HSPG2: variants seen among roughly 807,000 people sequenced by gnomAD.
The protein encoded by HSPG2 is basement membrane-specific heparan sulfate proteoglycan core protein.
Under a neutral mutation model 526.6 loss-of-function variants are expected in HSPG2, and 278 were observed. The observed-to-expected ratio is 0.53, with a 90% CI of 0.48 to 0.58. The LOEUF (loss-of-function observed/expected upper bound fraction) is 0.58, where lower values mean the gene tolerates loss of function less well. HSPG2 is among the 20% of genes least tolerant of loss of function. The probability of loss-of-function intolerance (pLI) is 0.00; values close to 1 mark genes in which losing one functional copy is unlikely to be tolerated. For synonymous variants in HSPG2, 2,465 were observed against 2,555.4 expected (o/e 0.96, Z 1.07); for missense variants, 5,354 against 6,099.5 (o/e 0.88, Z 4.07).
intron 1 of HSPG2, among the ~76,000 whole-genome samples, chr1:21,915,167 G>A (rs114568494): frequency 0.022 from 3,349 of 151,304 alleles, 51 homozygotes; most frequent in South Asian, 0.041. Flanking sequence ...CACACTTGGC[G>A]CCCTGATACG....
chr1:21,861,350 G>T (rs2152731364), intron 39 of HSPG2, among the ~76,000 whole-genome samples: 1 of 152,216 alleles, frequency 6.6e-6, no homozygotes, highest in Middle Eastern at 3.4e-3. Flanking sequence ...CATAAGCAAG[G>T]CCTGAACATC....
rs1641234799 is a variant in HSPG2 at position 21,878,236 on chromosome 1, A to G, written c.2635T>C (p.Cys879Arg). 6.2e-7 allele frequency: 1 copy of G among 1,614,018 alleles called. No individual in the cohort carries two copies. Among genetic ancestry groups the G allele is most frequent in the East Asian group, 2.2e-5 (1 of 44,886 alleles). ...CRPVNQEIVR[C>R]DERGSMGTSG... ...GTCCCCATGCTGCCACGCTCGTCAC[A>G]GCGCACAATCTCCTGGTCTGGGACA... Residue 879 changes from cysteine (C) to arginine (R), a missense_variant, in exon 21 of 97, where the codon TGT (cysteine) becomes CGT (arginine). Physicochemically the swap from Cys to Arg is radical, Grantham distance 180. Transcript: ENST00000374695.
chr1:21,929,437 G>A (rs1283602265), intron 1 of HSPG2, among the ~76,000 whole-genome samples: 2 of 150,904 alleles, frequency 1.3e-5, no homozygotes, highest in Non-Finnish European at 3.0e-5. Context: ...AGACAGGATC[G>A]CGTTCTATCA....
chr1:21,881,209 C>T, intron 14 of HSPG2, 130 bp downstream of exon 14: 3 of 1,131,950 alleles, frequency 2.7e-6, no homozygotes, highest in Non-Finnish European at 1.3e-6. Flanking sequence ...TGAGCCGCTG[C>T]CACAGGGGGC....
chr1:21,854,658 G>C lies in HSPG2; in HGVS notation c.6241C>G (p.Gln2081Glu). 6.3e-7 allele frequency: 1 copy of C among 1,599,930 alleles called. No homozygotes were observed. The highest frequency in any genetic ancestry group is 1.1e-5 in the South Asian group (1 of 88,568). ...CCCCCTCGCCTGTACCAGGTGACCTGGGCATGGGCTGACCCTGCCACCACA... is the reference window on the plus strand; with the variant it reads ...CCCCCTCGCCTGTACCAGGTGACCTCGGCATGGGCTGACCCTGCCACCACA... Reference protein sequence around the residue: ...NCVVAGSAHAQVTWYRRGGSL... With the variant: ...NCVVAGSAHAEVTWYRRGGSL... The change falls in exon 49 of 97, where the codon CAG (glutamine) becomes GAG (glutamate). Residue 2081 changes from glutamine to glutamate, a missense_variant. Physicochemically the swap from Gln to Glu is conservative, Grantham distance 29. Coordinates refer to ENST00000374695, the MANE Select transcript of HSPG2 (RefSeq NM_005529.7).
chr1:21,857,262 TC>T (rs761131565), intron 43 of HSPG2, 22 bp downstream of exon 43: 7 of 1,613,860 alleles, frequency 4.3e-6, no homozygotes, highest in East Asian at 4.5e-5. Flanking sequence ...ACTTCCTCCA[TC>T]CCCACTCCCT....
intron 39 of HSPG2, 56 bp from the exon 40 acceptor site, chr1:21,860,291 T>C: frequency 6.6e-7 from 1 of 1,522,530 alleles, no homozygotes; most frequent in Admixed American, 1.8e-5. Flanking sequence ...CAGTGCCTCA[T>C]GGTGGACTTG....
Position 21,859,937 on chromosome 1 carries a change from G to A in HSPG2, c.5080C>T (p.His1694Tyr), listed in dbSNP as rs865966483. Residue 1694 changes from histidine (H) to tyrosine (Y), a missense_variant, in exon 41 of 97, where the codon CAC (histidine) becomes TAC (tyrosine). Transcript: ENST00000374695. This position sits in a 1 kb window ranked among gnomAD's most constrained non-coding sequence, Gnocchi z 5.3. ...CCACTGACCTGACACCGCAGGGAGT[G>A]GGAGCCACCTTGGGGCACTATGCTT... ...ARSIVPQGGS[H>Y]SLRCQVSGSP... 2 of 1,610,542 alleles carry A rather than the reference G, an allele frequency of 1.2e-6. No homozygotes were observed. The highest frequency in any genetic ancestry group is 3.3e-4 in the Middle Eastern group (2 of 6,056).
chr1:21,846,582 G>A lies in HSPG2; in HGVS notation c.8182C>T (p.Pro2728Ser). 6.2e-7 allele frequency: 1 copy of A among 1,613,658 alleles called. No individual in the cohort carries two copies. Among genetic ancestry groups the A allele is most frequent in the South Asian group, 1.1e-5 (1 of 91,084 alleles). The change falls in exon 63 of 97, where the codon CCC becomes TCC. Residue 2728 changes from proline (P) to serine (S), a missense_variant. Physicochemically the swap from Pro to Ser is moderately conservative, Grantham distance 74. Transcript: ENST00000374695. ...GAGGAGGATGACTCAATTCTGATGG[G>A]CATGGAGCTGCCAGGGGCTGGGGGA... Reference protein sequence around the residue: ...GSPSAPGSSMPIRIESSSSHV... With the variant: ...GSPSAPGSSMSIRIESSSSHV...
rs371011609 is a variant in HSPG2 at position 21,841,291 on chromosome 1, C to G, written c.9329-6G>C. 1.2e-6 allele frequency: 2 copies of G among 1,613,372 alleles called. No individual in the cohort carries two copies. Among genetic ancestry groups the G allele is most frequent in the East Asian group, 4.5e-5 (2 of 44,880 alleles). On this transcript the variant is annotated splice_polypyrimidine_tract_variant and splice_region_variant and intron_variant, in intron 70 of 96. Coordinates refer to ENST00000374695, the MANE Select transcript of HSPG2 (RefSeq NM_005529.7). ...CACGGACACTGTAGGGGGCCCTGTG[C>G]GGAGGAATGACAACCACTGACACAC...
chr1:21,851,396 G>A (rs1638884414), intron 55 of HSPG2, 150 bp downstream of exon 55: 1 of 1,147,706 alleles, frequency 8.7e-7, no homozygotes, highest in Non-Finnish European at 1.2e-6. Context: ...GTCAGTCCTA[G>A]ATTCTGGTTT....
At chr1:21,933,160 C>T (rs1330527343) in intron 1 of HSPG2, among the ~76,000 whole-genome samples, 3 of 149,780 alleles carry the variant, frequency 2.0e-5, no homozygotes, top group Non-Finnish European at 4.4e-5. Context: ...GTTGAGGCAG[C>T]GGTGAGCTGT....
intron 1 of HSPG2, among the ~76,000 whole-genome samples, chr1:21,909,458 TAG>T (rs1320648500): frequency 6.6e-6 from 1 of 152,160 alleles, no homozygotes; most frequent in Non-Finnish European, 1.5e-5. Context: ...GACCAGTCCC[TAG>T]ATTCCATGTC....
chr1:21,936,795 T>C (rs541255657), intron 1 of HSPG2, among the ~76,000 whole-genome samples: 1 of 152,246 alleles, frequency 6.6e-6, no homozygotes. Context: ...GGTTCCCTCG[T>C]CCTGCCAAGT....
At chr1:21,899,405 T>C (rs1423611849) in intron 1 of HSPG2, among the ~76,000 whole-genome samples, 1 of 152,022 alleles carries the variant, frequency 6.6e-6, no homozygotes, top group Non-Finnish European at 1.5e-5. Flanking sequence ...ACAGCTAACA[T>C]TTATTGAGCA....
intron 74 of HSPG2, among the ~76,000 whole-genome samples, chr1:21,837,647 A>T (rs1018573410): frequency 6.6e-6 from 1 of 152,012 alleles, no homozygotes. Context: ...TTTAAATAAG[A>T]GAATCCAGGG....
At position 21,884,858 on chromosome 1, in the gene HSPG2, T is replaced by C. The variant is rs1158317414; in HGVS notation, c.1416A>G (p.Ser472=). 6.2e-7 allele frequency: 1 copy of C among 1,613,976 alleles called. No homozygotes were observed. The highest frequency in any genetic ancestry group is 8.5e-7 in the Non-Finnish European group (1 of 1,180,036). The change falls in exon 12 of 97, where the codon TCA becomes TCG. Residue 472 remains serine (S), a synonymous_variant. Coordinates refer to ENST00000374695, the MANE Select transcript of HSPG2 (RefSeq NM_005529.7). The part of the protein sequence containing the change: ...GTLIIRDVKE[S]DQGAYTCEAM... ...CCTCACAGGTGTAGGCACCCTGGTC[T>C]GACTCCTTCACATCACGGATGATCA...
chr1:21,835,568 G>T lies in HSPG2; in HGVS notation c.10425C>A (p.Ala3475=), dbSNP rs2098023170. Residue 3475 remains alanine, a synonymous_variant, in exon 76 of 97, where the codon GCC becomes GCA. Transcript: ENST00000374695. ...GGATAACCAGCTGGGCACTGGCCTG[G>T]GCCTTCCCCCAAGGTCCATGGGCCT... ...ICQAHGPWGK[A]QASAQLVIQA... 1.2e-6 allele frequency: 2 copies of T among 1,614,006 alleles called. No homozygotes were observed. The highest frequency in any genetic ancestry group is 4.5e-5 in the East Asian group (2 of 44,888).
chr1:21,876,075 G>T lies in HSPG2; in HGVS notation c.3004-33C>A, dbSNP rs1368546554. ...CAGGGTTAGACAGGAGCTTGCGGAG[G>T]CCTGAATTCGGGCCCTGTCACTGCT... is the stretch of plus-strand genomic sequence containing the variant. On this transcript the variant is annotated intron_variant, in intron 23 of 96. Transcript: ENST00000374695. The T allele has an allele frequency of 2.5e-6, 4 of 1,610,860 alleles. No homozygotes were observed. In the Admixed American group the frequency reaches 5.0e-5, roughly 20 times the overall value.
Sources: allele counts gnomAD v4.1 joint callset (sites outside exome capture counted in the v4.1 genomes callset), GRCh38; gene constraint gnomAD v4.1.1; non-coding constraint Gnocchi (gnomAD v3.1); transcripts MANE v1.5; gene names NCBI Gene and HGNC (gene_info 2026-07-23, HGNC 2026-07-21).